Variants in MCC observed in about 807,000 individuals in gnomAD.
The protein encoded by MCC is colorectal mutant cancer protein.
A neutral mutation model predicts 116.2 loss-of-function variants in MCC; 90 were observed. The ratio of observed to expected loss-of-function variants is 0.77; its 90% CI spans 0.65 to 0.92. The LOEUF is 0.92. Ranked by LOEUF, MCC falls within the 40% of genes least tolerant of loss-of-function variation. The pLI is 0.00. For missense variants in MCC, 1,516 were observed against 1,312.2 expected (o/e 1.16, Z -2.40); for synonymous variants, 578 against 510.5 (o/e 1.13, Z -1.78).
intron 1 of MCC, among the ~76,000 whole-genome samples, chr5:113,432,350 A>G (rs1057127095): frequency 2.0e-5 from 3 of 149,722 alleles, no homozygotes; most frequent in Non-Finnish European, 3.0e-5. Context: ...AAAAGAAAAG[A>G]AAAAAAAACA....
chr5:113,458,826 G>T (rs1771656053), intron 1 of MCC, among the ~76,000 whole-genome samples: 1 of 152,162 alleles, frequency 6.6e-6, no homozygotes, highest in Admixed American at 6.5e-5. Context: ...AAAACCCAAA[G>T]TGGTCTGCCT....
In MCC at chr5:113,027,013, G is replaced by C. The variant is rs1414640431; in HGVS notation, c.*289C>G. The C allele has an allele frequency of 2.8e-6, 1 of 363,440 alleles. No homozygotes were observed. The highest frequency in any genetic ancestry group is 4.9e-6 in the Non-Finnish European group (1 of 203,072). The allele number at this position is 363,440 out of a possible 1,614,324, so 22.5% of individuals were successfully genotyped here. On this transcript the variant is annotated 3_prime_UTR_variant, in exon 19 of 19. Transcript: ENST00000408903. ...CCGCCAGACCAGAAGAGGAGGGGGA[G>C]AGTGAGTGCTGAAAGCAGAAACGAG...
chr5:113,294,584 G>T (rs1766648519), intron 3 of MCC: 3 of 1,254,182 alleles, frequency 2.4e-6, no homozygotes, highest in Non-Finnish European at 3.0e-6. Flanking sequence ...GCGTTTCACG[G>T]ACGAGCCATT....
intron 11 of MCC, among the ~76,000 whole-genome samples, chr5:113,071,860 G>C (rs758976016): frequency 2.0e-5 from 3 of 152,146 alleles, no homozygotes; most frequent in Non-Finnish European, 4.4e-5. Context: ...ACTTCCCCTG[G>C]TGGCCTTTAA....
intron 3 of MCC, among the ~76,000 whole-genome samples, chr5:113,219,302 G>C (rs1264403242): frequency 6.6e-6 from 1 of 152,174 alleles, no homozygotes; most frequent in Non-Finnish European, 1.5e-5. Flanking sequence ...AAGGTTAAAG[G>C]AAACGGCCCT....
rs891922483 is a variant in MCC at position 113,149,448 on chromosome 5, T to G, written c.741+1861A>C. 7.9e-5 allele frequency among the ~76,000 whole-genome samples: 12 copies of G among 152,236 alleles called. No individual in the cohort carries two copies. The East Asian group carries it at 2.3e-3, about 29-fold the overall frequency. Reference sequence around the variant, plus strand: ...TGAAATAAATACTATGAAAATAGTATTAACATCCTATAGTGGGAAAAGGCA... The same window carrying G: ...TGAAATAAATACTATGAAAATAGTAGTAACATCCTATAGTGGGAAAAGGCA... On this transcript the variant is annotated intron_variant, in intron 4 of 18. Coordinates refer to ENST00000408903, the MANE Select transcript of MCC (RefSeq NM_001085377.2).
intron 3 of MCC, among the ~76,000 whole-genome samples, chr5:113,259,025 T>G (rs1765124833): frequency 6.6e-6 from 1 of 152,038 alleles, no homozygotes; most frequent in Non-Finnish European, 1.5e-5. Context: ...TCTATTTAAC[T>G]TGTAGATGTG....
chr5:113,275,584 T>C (rs560937873), intron 3 of MCC, among the ~76,000 whole-genome samples: 2 of 152,218 alleles, frequency 1.3e-5, no homozygotes, highest in Non-Finnish European at 2.9e-5. Context: ...ACTAGGCTCA[T>C]GCAGAGACAG....
rs1480996383 is a variant in MCC at position 113,327,561 on chromosome 5, A to AAAAAAATAT, written c.627+12957_627+12958insATATTTTTT. On this transcript the variant is annotated intron_variant, in intron 3 of 18. Transcript: ENST00000408903. Reference sequence around the variant, plus strand: ...ACTCAGTCTCAAAAAAAAAAAAAAAAATATATATATATATATATATATATA... The same window carrying AAAAAAATAT: ...ACTCAGTCTCAAAAAAAAAAAAAAAAAAAAAATATATATATATATATATATATATATATA... 1.4e-3 allele frequency among the ~76,000 whole-genome samples: 112 copies of AAAAAAATAT among 80,512 alleles called. No individual in the cohort carries two copies. The East Asian group carries it at 0.016, about 11-fold the overall frequency. The allele number at this position is 80,512 out of a possible 152,430, so 52.8% of individuals were successfully genotyped here.
intron 2 of MCC, among the ~76,000 whole-genome samples, chr5:113,382,734 T>G (rs548574736): frequency 9.9e-5 from 15 of 152,208 alleles, no homozygotes; most frequent in Non-Finnish European, 1.5e-4. Flanking sequence ...AGCTCCTTTA[T>G]TCCCCCAAAT....
At chr5:113,268,349 G>A (rs890934349) in intron 3 of MCC, among the ~76,000 whole-genome samples, 4 of 152,096 alleles carry the variant, frequency 2.6e-5, no homozygotes, top group African/African-American at 7.2e-5. Context: ...ACTAACACAC[G>A]TGCACAGCAC....
chr5:113,466,555 T>C (rs888817093), intron 1 of MCC, among the ~76,000 whole-genome samples: 4 of 152,134 alleles, frequency 2.6e-5, no homozygotes, highest in African/African-American at 9.7e-5. Flanking sequence ...GGTGTATATG[T>C]GCCACATTTT....
In MCC at chr5:113,071,246, C is replaced by A. The variant is rs753328060; in HGVS notation, c.1785-12G>T. The A allele has an allele frequency of 6.8e-6, 11 of 1,611,022 alleles. No individual in the cohort carries two copies. The East Asian group carries it at 2.5e-4, about 36-fold the overall frequency. ...GGTGCTCAATCCGGCTACAAAGGAA[C>A]AAAAATCAGATTCACACTAGGGTTA... On this transcript the variant is annotated splice_polypyrimidine_tract_variant and intron_variant, in intron 11 of 18. Transcript: ENST00000408903.
chr5:113,271,449 C>T (rs150967152), intron 3 of MCC, among the ~76,000 whole-genome samples: 166 of 152,266 alleles, frequency 1.1e-3, no homozygotes, highest in African/African-American at 3.7e-3. Context: ...TATGATCAGT[C>T]ATCCTTACTT....
rs368252332 is a variant in MCC at position 113,268,399 on chromosome 5, C to T, written c.627+72120G>A. On this transcript the variant is annotated intron_variant, in intron 3 of 18. Coordinates refer to ENST00000408903, the MANE Select transcript of MCC (RefSeq NM_001085377.2). ...ATCCTTTCTTCTGCTTACAGAAAGG[C>T]CCTTAGGATGTACCACTGTCATCAA... Among the ~76,000 whole-genome samples, 28 of 152,292 alleles carry T rather than the reference C, an allele frequency of 1.8e-4. 4 individuals are homozygous for T. Among genetic ancestry groups the T allele is most frequent in the Admixed American group, 7.2e-4 (11 of 15,296 alleles).
chr5:113,235,750 G>A (rs761571212), intron 3 of MCC, among the ~76,000 whole-genome samples: 3 of 152,136 alleles, frequency 2.0e-5, no homozygotes, highest in Non-Finnish European at 4.4e-5. Context: ...AAACCATTTC[G>A]GTTAAGAGAT....
chr5:113,044,238 C>G (rs927578513), intron 16 of MCC, among the ~76,000 whole-genome samples: 2 of 152,180 alleles, frequency 1.3e-5, no homozygotes, highest in Non-Finnish European at 2.9e-5. Context: ...CAAGAAAACC[C>G]AGCAGAGGAG....
At chr5:113,097,690 CTCTT>C (rs1386235903) in intron 8 of MCC, among the ~76,000 whole-genome samples, 3 of 152,136 alleles carry the variant, frequency 2.0e-5, no homozygotes, top group Admixed American at 6.5e-5. Flanking sequence ...ACATAGATGT[CTCTT>C]TATTTAACCT....
At chr5:113,458,636 T>A (rs1771650285) in intron 1 of MCC, among the ~76,000 whole-genome samples, 1 of 152,148 alleles carries the variant, frequency 6.6e-6, no homozygotes, top group Non-Finnish European at 1.5e-5. Context: ...AAAAATGTAA[T>A]AGTGTGTAAG....
Sources: allele counts gnomAD v4.1 joint callset (sites outside exome capture counted in the v4.1 genomes callset), GRCh38; gene constraint gnomAD v4.1.1; transcripts MANE v1.5; gene names NCBI Gene and HGNC (gene_info 2026-07-23, HGNC 2026-07-21).